Variants in DST observed in about 807,000 individuals in gnomAD.
DST encodes the protein bullous pemphigoid antigen.
DST carries 253 observed loss-of-function variants against 875.2 expected under a neutral mutation model. The ratio of observed to expected loss-of-function variants is 0.29; its 90% CI spans 0.26 to 0.32. The LOEUF (loss-of-function observed/expected upper bound fraction) is 0.32, where lower values mean the gene tolerates loss of function less well. Ranked by LOEUF, DST falls within the 10% of genes least tolerant of loss-of-function variation. The pLI is 1.00. For missense variants in DST, 8,287 were observed against 9,111.6 expected, an observed-to-expected ratio of 0.91 and a Z score of 3.68; for synonymous variants, 3,124 against 3,197.1, an observed-to-expected ratio of 0.98 and a Z score of 0.77.
chr6:56,698,515 A>G (rs183633343), intron 9 of DST, among the ~76,000 whole-genome samples: 1 of 152,170 alleles, frequency 6.6e-6, no homozygotes, highest in East Asian at 1.9e-4. Context: ...CTTAGTAGAG[A>G]CGGGGTTTCA....
intron 12 of DST, among the ~76,000 whole-genome samples, chr6:56,649,599 GAA>G (rs1320836073): frequency 6.6e-6 from 1 of 152,070 alleles, no homozygotes; most frequent in Non-Finnish European, 1.5e-5. Context: ...TGGGGGTGCT[GAA>G]AGAGTGGATA....
At chr6:56,877,728 T>TA (rs1780179013) in intron 3 of DST, among the ~76,000 whole-genome samples, 1 of 152,156 alleles carries the variant, frequency 6.6e-6, no homozygotes, top group African/African-American at 2.4e-5. Context: ...AACAACACAA[T>TA]AAATGCCACT....
At chr6:56,476,117 G>A (rs775817023) in intron 92 of DST, 32 bp downstream of exon 92, 5 of 1,531,728 alleles carry the variant, frequency 3.3e-6, no homozygotes, top group Non-Finnish European at 2.7e-6. Flanking sequence ...TGAGATAATG[G>A]TTAACAGGAG....
chr6:56,679,576 A>G (rs1209439426), intron 9 of DST, among the ~76,000 whole-genome samples: 2 of 150,500 alleles, frequency 1.3e-5, no homozygotes, highest in Non-Finnish European at 3.0e-5. Context: ...CAGCCTGGGC[A>G]ACATAGGAAG....
intron 3 of DST, among the ~76,000 whole-genome samples, chr6:56,876,819 G>C (rs531054849): frequency 3.3e-5 from 5 of 152,202 alleles, no homozygotes; most frequent in African/African-American, 1.2e-4. Context: ...CCTGCACTCT[G>C]TCCAGGCCCA....
At chr6:56,712,122 T>C (rs1016530445) in intron 5 of DST, among the ~76,000 whole-genome samples, 7 of 151,618 alleles carry the variant, frequency 4.6e-5, no homozygotes, top group African/African-American at 1.7e-4. Flanking sequence ...GGAGGTATTT[T>C]AGATAAGACT....
At chr6:56,940,492 A>G (rs1182748793) in intron 2 of DST, among the ~76,000 whole-genome samples, 2 of 151,992 alleles carry the variant, frequency 1.3e-5, no homozygotes, top group South Asian at 2.1e-4. Flanking sequence ...TGTTAATATT[A>G]TATTTTTCAA....
intron 100 of DST, 180 bp downstream of exon 100, chr6:56,464,505 C>T (rs2094488553): frequency 1.5e-5 from 9 of 605,310 alleles, no homozygotes; most frequent in Non-Finnish European, 2.7e-5. Context: ...GCATGTGTAA[C>T]ACAACCAAAG....
At position 56,629,132 on chromosome 6, in the gene DST, T is replaced by C. The variant is rs534309305; in HGVS notation, c.4475+118A>G. 28 of 964,192 alleles carry C rather than the reference T, an allele frequency of 2.9e-5. No individual in the cohort carries two copies. In the South Asian group the frequency reaches 3.2e-4, roughly 11 times the overall value. The allele number at this position is 964,192 out of a possible 1,614,324, so 59.7% of individuals were successfully genotyped here. On this transcript the variant is annotated intron_variant, in intron 32 of 103. Coordinates refer to ENST00000680361, the MANE Select transcript of DST (RefSeq NM_001374736.1). ...AAAGAAATATGGCTAAGTAGAGGTA[T>C]TGTAATTAACAAATTAACTATGGAA...
At chr6:56,520,697 T>C (rs1405803833) in intron 69 of DST, among the ~76,000 whole-genome samples, 1 of 151,552 alleles carries the variant, frequency 6.6e-6, no homozygotes, top group Non-Finnish European at 1.5e-5. Flanking sequence ...CTACTATGTG[T>C]CCATAAAAAT....
chr6:56,497,564 A>G (rs980005512), intron 81 of DST, 57 bp from the exon 82 acceptor site: 68 of 1,584,574 alleles, frequency 4.3e-5, no homozygotes, highest in Non-Finnish European at 5.6e-5. Context: ...TTCAAGCAGG[A>G]AATAAGCTTC....
At chr6:56,611,657 T>A (rs1035390401) in intron 37 of DST, 61 bp from the exon 38 acceptor site, 207 of 1,226,150 alleles carry the variant, frequency 1.7e-4, no homozygotes, top group Middle Eastern at 4.6e-4. Context: ...AGTATTTTTT[T>A]TAAAAAAAAG....
At chr6:56,514,472 A>C (rs2096548020) in intron 72 of DST, among the ~76,000 whole-genome samples, 1 of 152,056 alleles carries the variant, frequency 6.6e-6, no homozygotes, top group Non-Finnish European at 1.5e-5. Flanking sequence ...CAAGATTAAC[A>C]AGATGTCACA....
chr6:56,675,549 G>A (rs115193789), intron 9 of DST, among the ~76,000 whole-genome samples: 2,956 of 152,122 alleles, frequency 0.019, 91 homozygotes, highest in African/African-American at 0.066. Context: ...AAAACAACTC[G>A]GTAATAAGAA....
intron 5 of DST, among the ~76,000 whole-genome samples, chr6:56,712,679 G>A (rs772162161): frequency 2.6e-5 from 4 of 152,106 alleles, no homozygotes; most frequent in Non-Finnish European, 5.9e-5. Flanking sequence ...TACCACCACT[G>A]TTTTAAAGAG....
intron 29 of DST, 39 bp from the exon 30 acceptor site, chr6:56,631,428 C>T: frequency 1.3e-6 from 2 of 1,566,354 alleles, no homozygotes; most frequent in South Asian, 1.1e-5. Context: ...CAGGCCATCA[C>T]CTGTGATGAG....
At position 56,735,164 on chromosome 6, in the gene DST, A is replaced by G. The variant is rs908955186; in HGVS notation, c.687+64T>C. The G allele has an allele frequency of 7.2e-6, 8 of 1,108,702 alleles. No individual in the cohort carries two copies. In the African/African-American group the frequency reaches 9.4e-5, roughly 13 times the overall value. The allele number at this position is 1,108,702 out of a possible 1,614,324, so 68.7% of individuals were successfully genotyped here. On this transcript the variant is annotated intron_variant, in intron 5 of 103. Coordinates refer to ENST00000680361, the MANE Select transcript of DST (RefSeq NM_001374736.1). The stretch of plus-strand genomic sequence containing the variant: ...GTTGTGCTTCAGAGCTATATAATCA[A>G]TTACTGCAAAATAAACTGAAATATT...
chr6:56,460,432 T>C, intron 102 of DST, 178 bp from the exon 103 acceptor site: 1 of 523,502 alleles, frequency 1.9e-6, no homozygotes, highest in South Asian at 4.3e-5. Context: ...TCTCTTCTAA[T>C]TTCTCATTCT....
Position 56,515,574 on chromosome 6 carries a change from T to A in DST, c.18452A>T (p.Asn6151Ile). ...TTCTTCATATGTTTCCCAGAATTGG[T>A]TAACCAGGGACTGTGCCCGTTCCAG... ...LQLERAQSLV[N>I]QFWETYEELW... Residue 6151 changes from asparagine (N) to isoleucine (I), a missense_variant, in exon 72 of 104, where the codon AAC becomes ATC. By Grantham distance (149) the Asn-to-Ile change is moderately radical. Transcript: ENST00000680361. 1 of 1,613,938 alleles carries A rather than the reference T, an allele frequency of 6.2e-7. No individual in the cohort carries two copies. Among genetic ancestry groups the A allele is most frequent in the South Asian group, 1.1e-5 (1 of 91,084 alleles).
Sources: gnomAD v4.1 joint callset for allele counts (sites outside exome capture counted in the v4.1 genomes callset) on GRCh38, gnomAD v4.1.1 for gene constraint, MANE v1.5 for transcripts, NCBI Gene and HGNC (gene_info 2026-07-23, HGNC 2026-07-21) for gene names.